The following USP14 variants were observed in gnomAD, a reference collection of about 807,000 sequenced individuals.
The protein encoded by USP14 is ubiquitin specific peptidase 14, also known as ubiquitin carboxyl-terminal hydrolase 14.
A neutral mutation model predicts 76.5 loss-of-function variants in USP14; 38 were observed. The ratio of observed to expected loss-of-function variants is 0.50; its 90% CI spans 0.38 to 0.65. USP14 has a LOEUF of 0.65. Ranked by LOEUF, USP14 falls within the 30% of genes least tolerant of loss-of-function variation. The pLI is 0.00. For missense variants in USP14, 467 were observed against 586.5 expected (o/e 0.80, Z 2.10); for synonymous variants, 192 against 191.7 (o/e 1.00, Z -0.01).
chr18:181,231 C>T (rs1156645928), intron 5 of USP14, among the ~76,000 whole-genome samples: 2 of 151,946 alleles, frequency 1.3e-5, no homozygotes, highest in African/African-American at 4.8e-5. Flanking sequence ...TGTAGATGAA[C>T]GTTTTCATAT....
chr18:198,259 C>T (rs761782488), intron 9 of USP14, 127 bp downstream of exon 9: 114 of 772,468 alleles, frequency 1.5e-4, no homozygotes, highest in Non-Finnish European at 2.2e-4. Flanking sequence ...TTCTTTGAGA[C>T]GGAGTTTCGC....
Position 210,430 on chromosome 18 carries a change from C to T in USP14, c.1270C>T (p.Leu424=), listed in dbSNP as rs1910640053. The change falls in exon 15 of 16, where the codon CTA becomes TTA. Residue 424 remains leucine (L), a synonymous_variant. Transcript: ENST00000261601. ...NCGYYDLQAV[L]THQGRSSSSG... ...TGGATACTATGACTTACAAGCAGTA[C>T]TAACACACCAGGGAAGGTCTAGTTC... 1.9e-6 allele frequency: 3 copies of T among 1,612,178 alleles called. No individual in the cohort carries two copies. Among genetic ancestry groups the T allele is most frequent in the African/African-American group, 2.7e-5 (2 of 74,844 alleles).
At chr18:189,598 A>T (rs499571) in intron 5 of USP14, among the ~76,000 whole-genome samples, 146,503 of 152,160 alleles carry the variant, frequency 0.96, 70,793 homozygotes, top group East Asian at 1. Context: ...TTCTCCTACC[A>T]CAGCCTCCTG....
chr18:207,916 T>G (rs374401278), intron 13 of USP14, among the ~76,000 whole-genome samples: 11 of 152,246 alleles, frequency 7.2e-5, no homozygotes, highest in African/African-American at 2.6e-4. Flanking sequence ...TAAAATTAAC[T>G]TTGTATATGG....
chr18:197,964 A>C (rs1343325387), intron 8 of USP14, 83 bp from the exon 9 acceptor site: 2 of 1,196,968 alleles, frequency 1.7e-6, no homozygotes, highest in African/African-American at 3.1e-5. Context: ...TTAAAAAAAT[A>C]TGTATTACTA....
At chr18:170,070 G>A (rs1433463561) in intron 3 of USP14, among the ~76,000 whole-genome samples, 1 of 152,126 alleles carries the variant, frequency 6.6e-6, no homozygotes, top group Non-Finnish European at 1.5e-5. Context: ...GGGAGGCTGA[G>A]GCGGGTGGAT....
chr18:193,835 C>T (rs1158445747), intron 6 of USP14, among the ~76,000 whole-genome samples: 1 of 152,144 alleles, frequency 6.6e-6, no homozygotes, highest in Non-Finnish European at 1.5e-5. Flanking sequence ...ATCCATTCAT[C>T]GTTGGTGGAT....
At chr18:190,403 G>A (rs539292128) in intron 5 of USP14, among the ~76,000 whole-genome samples, 4 of 150,292 alleles carry the variant, frequency 2.7e-5, no homozygotes, top group South Asian at 2.1e-4. Flanking sequence ...TTTCAAAAAC[G>A]GAGGTACCAA....
At position 177,608 on chromosome 18, in the gene USP14, T is replaced by G. The variant is rs1598268635; in HGVS notation, c.196-1325T>G. Among the ~76,000 whole-genome samples, 3 of 150,730 alleles carry G rather than the reference T, an allele frequency of 2.0e-5. No homozygotes were observed. In the Middle Eastern group the frequency reaches 0.01, roughly 520 times the overall value. The stretch of plus-strand genomic sequence containing the variant: ...AATCATCATCTGGATATTTTTAGTC[T>G]TCTGGCTATCATTTTTCCCTCCCTG... On this transcript the variant is annotated intron_variant, in intron 3 of 15. Transcript: ENST00000261601.
chr18:183,964 A>G (rs1349228826), intron 5 of USP14, among the ~76,000 whole-genome samples: 1 of 152,120 alleles, frequency 6.6e-6, no homozygotes, highest in Non-Finnish European at 1.5e-5. Flanking sequence ...GCCTTGGCTC[A>G]CTTCCAAGAT....
intron 4 of USP14, among the ~76,000 whole-genome samples, chr18:179,859 C>T (rs1909737067): frequency 6.6e-6 from 1 of 151,214 alleles, no homozygotes; most frequent in Non-Finnish European, 1.5e-5. Context: ...CCTCAGCCTT[C>T]CAAAGTGCTG....
chr18:210,541 A>C, intron 15 of USP14, 48 bp downstream of exon 15: 1 of 1,372,364 alleles, frequency 7.3e-7, no homozygotes, highest in South Asian at 1.4e-5. Context: ...TTAACAGTTC[A>C]TTTATTATAA....
intron 10 of USP14, among the ~76,000 whole-genome samples, chr18:202,414 G>T (rs1301729636): frequency 6.6e-6 from 1 of 152,164 alleles, no homozygotes; most frequent in Non-Finnish European, 1.5e-5. Context: ...GTTAACAGAG[G>T]TTTCTGTGTT....
In USP14 at chr18:170,947, A is replaced by G. The variant is rs1909425004; in HGVS notation, c.195+4128A>G. ...GATGGGTCTATAGGTGCAGCAAACC[A>G]CCATGACACAATGTTTACCTGTGTA... On this transcript the variant is annotated intron_variant, in intron 3 of 15. Transcript: ENST00000261601. 2.7e-5 allele frequency among the ~76,000 whole-genome samples: 4 copies of G among 148,582 alleles called. No individual in the cohort carries two copies. The South Asian group carries it at 8.6e-4, about 32-fold the overall frequency.
At chr18:158,825 G>A in intron 1 of USP14, 111 bp downstream of exon 1, 1 of 1,259,386 alleles carries the variant, frequency 7.9e-7, no homozygotes, top group Non-Finnish European at 1.0e-6. Context: ...GGCCGGGGTG[G>A]GGTGCGCGGG....
intron 13 of USP14, among the ~76,000 whole-genome samples, chr18:208,937 G>T (rs559618703): frequency 6.6e-6 from 1 of 152,254 alleles, no homozygotes; most frequent in South Asian, 2.1e-4. Context: ...TTAGACACAG[G>T]GTTTCATCAT....
intron 1 of USP14, among the ~76,000 whole-genome samples, chr18:160,504 CAG>C (rs1909086845): frequency 1.3e-5 from 2 of 152,126 alleles, no homozygotes; most frequent in South Asian, 4.1e-4. Flanking sequence ...GCCTGGGTGA[CAG>C]AGCAAGACCC....
chr18:169,878 A>G (rs1434258869), intron 3 of USP14, among the ~76,000 whole-genome samples: 4 of 152,156 alleles, frequency 2.6e-5, no homozygotes, highest in Non-Finnish European at 4.4e-5. Context: ...GTCATGAATC[A>G]CACCTGTAAG....
intron 3 of USP14, among the ~76,000 whole-genome samples, chr18:174,678 C>T (rs1457705570): frequency 1.3e-4 from 19 of 150,842 alleles, no homozygotes; most frequent in Non-Finnish European, 2.8e-4. Context: ...AATCATAGCT[C>T]GCTGCAGCCT....
Sources: gnomAD v4.1 joint callset for allele counts (sites outside exome capture counted in the v4.1 genomes callset) on GRCh38, gnomAD v4.1.1 for gene constraint, MANE v1.5 for transcripts, NCBI Gene and HGNC (gene_info 2026-07-23, HGNC 2026-07-21) for gene names.